TRAPPC9: variants seen among roughly 807,000 people sequenced by gnomAD.
The protein encoded by TRAPPC9 is trafficking protein particle complex subunit 9, also known as IKK2 binding protein.
TRAPPC9 carries 83 observed loss-of-function variants against 124.0 expected under a neutral mutation model. That is an observed-to-expected ratio of 0.67 (90% CI 0.56 to 0.80). TRAPPC9 has a LOEUF of 0.80. Ranked by LOEUF, TRAPPC9 falls within the 30% of genes least tolerant of loss-of-function variation. The pLI, the probability that TRAPPC9 is intolerant of heterozygous loss-of-function variation, is 0.00. For missense variants in TRAPPC9, 1,302 were observed against 1,508.3 expected (o/e 0.86, Z 2.27); for synonymous variants, 638 against 617.5 (o/e 1.03, Z -0.49).
At chr8:140,440,078 C>T (rs1269721610) in intron 2 of TRAPPC9, among the ~76,000 whole-genome samples, 6 of 152,190 alleles carry the variant, frequency 3.9e-5, no homozygotes, top group African/African-American at 1.4e-4. Context: ...CATTTCCATT[C>T]TGAATAAGTT....
At chr8:140,094,246 G>A (rs537641112) in intron 17 of TRAPPC9, among the ~76,000 whole-genome samples, 2 of 152,336 alleles carry the variant, frequency 1.3e-5, no homozygotes, top group East Asian at 3.9e-4. Context: ...CTGCCTGCAG[G>A]GAGGTGCACC....
chr8:140,058,373 T>A (rs1258501027), intron 17 of TRAPPC9, among the ~76,000 whole-genome samples: 1 of 152,204 alleles, frequency 6.6e-6, no homozygotes, highest in Non-Finnish European at 1.5e-5. Flanking sequence ...GATTGGTCTT[T>A]CTCTGCATGA....
rs1842748722 is a variant in TRAPPC9, at chr8:140,063,534, G to C, written c.2557-39455C>G. 6.6e-6 allele frequency among the ~76,000 whole-genome samples: 1 copy of C among 152,188 alleles called. No individual in the cohort carries two copies. Among genetic ancestry groups the C allele is most frequent in the Non-Finnish European group, 1.5e-5 (1 of 68,042 alleles). On this transcript the variant is annotated intron_variant, in intron 17 of 22. Transcript: ENST00000438773. The surrounding 1 kb of genome is among the most constrained non-coding windows in gnomAD (Gnocchi z 4.3). ...AGCCTATACCATAAGAGGCCCAGGAGAAATGTTTGTTGAATGGATCGGGGA... is the reference window on the plus strand; with the variant it reads ...AGCCTATACCATAAGAGGCCCAGGACAAATGTTTGTTGAATGGATCGGGGA...
chr8:139,764,758 G>A (rs763680891), intron 21 of TRAPPC9, among the ~76,000 whole-genome samples: 2 of 152,122 alleles, frequency 1.3e-5, no homozygotes, highest in African/African-American at 4.8e-5. Flanking sequence ...TCAGTGAGGC[G>A]ACCGGCTAGA....
chr8:140,454,271 A>G (rs2071572831), intron 1 of TRAPPC9, among the ~76,000 whole-genome samples: 2 of 152,002 alleles, frequency 1.3e-5, no homozygotes, highest in Admixed American at 1.3e-4. Context: ...CCTGGGTAAC[A>G]GAGCGAGACT....
In TRAPPC9 at chr8:140,346,179, C is replaced by A. The variant is rs1330715161; in HGVS notation, c.1495+13871G>T. 5.3e-5 allele frequency among the ~76,000 whole-genome samples: 8 copies of A among 152,226 alleles called. No homozygotes were observed. In the East Asian group the frequency reaches 1.3e-3, roughly 26 times the overall value. On this transcript the variant is annotated intron_variant, in intron 9 of 22. Coordinates refer to ENST00000438773, the MANE Select transcript of TRAPPC9 (RefSeq NM_001160372.4). ...CCTAAGGAAGCTGAAACACGTGAAACTGCCTGGAGTGCATCGGCTGGGGAG... is the reference window on the plus strand; with the variant it reads ...CCTAAGGAAGCTGAAACACGTGAAAATGCCTGGAGTGCATCGGCTGGGGAG...
At chr8:139,926,911 G>C (rs1007834998) in intron 19 of TRAPPC9, among the ~76,000 whole-genome samples, 1 of 152,116 alleles carries the variant, frequency 6.6e-6, no homozygotes, top group East Asian at 1.9e-4. Flanking sequence ...ACAACACATT[G>C]ATTAGACAAA....
chr8:140,323,537 T>G (rs192454759), intron 9 of TRAPPC9, among the ~76,000 whole-genome samples: 1 of 151,982 alleles, frequency 6.6e-6, no homozygotes. Context: ...GTATCAGAAG[T>G]AAATTAGAGG....
intron 17 of TRAPPC9, among the ~76,000 whole-genome samples, chr8:140,110,304 C>CT (rs1167563958): frequency 2.2e-5 from 2 of 92,030 alleles, no homozygotes; most frequent in Non-Finnish European, 2.2e-5. Context: ...CAGCAGCTCC[C>CT]CCTACAGCAG....
chr8:140,297,046 C>A (rs759804096), intron 11 of TRAPPC9, among the ~76,000 whole-genome samples: 1 of 152,214 alleles, frequency 6.6e-6, no homozygotes, highest in African/African-American at 2.4e-5. Context: ...AGGTGGAGTT[C>A]CCACAGGAGG....
chr8:139,749,220 C>A (rs1056846080), intron 21 of TRAPPC9, among the ~76,000 whole-genome samples: 10 of 152,174 alleles, frequency 6.6e-5, no homozygotes, highest in African/African-American at 2.2e-4. Context: ...GGAAGACTTC[C>A]TGAAGCACAT....
chr8:140,016,228 A>C (rs1021516255), intron 18 of TRAPPC9, among the ~76,000 whole-genome samples: 44 of 152,238 alleles, frequency 2.9e-4, no homozygotes, highest in African/African-American at 1.0e-3. Context: ...AGTGTATACT[A>C]GTCTGATTAT....
rs560990079 is a variant in TRAPPC9 at position 140,317,697 on chromosome 8, A to G, written c.1496-6323T>C. Among the ~76,000 whole-genome samples the G allele has an allele frequency of 9.2e-5, 14 of 152,354 alleles. 1 individual carries two copies. The South Asian group carries it at 2.7e-3, about 29-fold the overall frequency. ...GGACTATAAGCTCCTTAAAAGGAAGAAAGTCATGTCCCTACCCACAATTAC... is the reference window on the plus strand; with the variant it reads ...GGACTATAAGCTCCTTAAAAGGAAGGAAGTCATGTCCCTACCCACAATTAC... On this transcript the variant is annotated intron_variant, in intron 9 of 22. Transcript: ENST00000438773.
chr8:139,788,198 G>T lies in TRAPPC9; in HGVS notation c.3056-55996C>A, dbSNP rs1434514707. On this transcript the variant is annotated intron_variant, in intron 21 of 22. Coordinates refer to ENST00000438773, the MANE Select transcript of TRAPPC9 (RefSeq NM_001160372.4). This position sits in a 1 kb window ranked among gnomAD's most constrained non-coding sequence, Gnocchi z 4.9. ...ATCAAAAACCCACATGCCCCTCTTG[G>T]CGCCTGGCAGGGCAGCCCCTCCTGT... Among the ~76,000 whole-genome samples the T allele has an allele frequency of 6.6e-6, 1 of 152,166 alleles. No homozygotes were observed. Among genetic ancestry groups the T allele is most frequent in the Non-Finnish European group, 1.5e-5 (1 of 68,034 alleles).
chr8:140,102,954 C>T (rs1388819797), intron 17 of TRAPPC9, among the ~76,000 whole-genome samples: 2 of 152,180 alleles, frequency 1.3e-5, no homozygotes, highest in Non-Finnish European at 2.9e-5. Context: ...TCTGAAGCGC[C>T]AGGATCATGT....
intron 9 of TRAPPC9, among the ~76,000 whole-genome samples, chr8:140,333,803 G>A (rs2066962107): frequency 6.6e-6 from 1 of 152,220 alleles, no homozygotes; most frequent in South Asian, 2.1e-4. Context: ...ATCATAAAAT[G>A]TCAATGGCAT....
At chr8:140,222,512 T>C (rs965475209) in intron 16 of TRAPPC9, among the ~76,000 whole-genome samples, 9 of 152,080 alleles carry the variant, frequency 5.9e-5, no homozygotes, top group African/African-American at 1.9e-4. Flanking sequence ...CTTCACTCCT[T>C]TCCCTAAGTC....
chr8:139,883,572 T>C (rs1829813560), intron 21 of TRAPPC9, among the ~76,000 whole-genome samples: 1 of 152,264 alleles, frequency 6.6e-6, no homozygotes, highest in African/African-American at 2.4e-5. Flanking sequence ...CTGGCTCTAA[T>C]TGTCCACTGT....
intron 7 of TRAPPC9, among the ~76,000 whole-genome samples, chr8:140,377,617 T>C (rs1448032581): frequency 6.6e-6 from 1 of 152,150 alleles, no homozygotes; most frequent in Non-Finnish European, 1.5e-5. Flanking sequence ...TCTTTAAGTC[T>C]GTTCTCCATA....
Sources: gnomAD v4.1 joint callset for allele counts (sites outside exome capture counted in the v4.1 genomes callset) on GRCh38, gnomAD v4.1.1 for gene constraint, Gnocchi (gnomAD v3.1) non-coding constraint, MANE v1.5 for transcripts, NCBI Gene and HGNC (gene_info 2026-07-23, HGNC 2026-07-21) for gene names.